Variants in RBFOX1 observed in about 807,000 individuals in gnomAD.
RBFOX1 encodes RNA binding protein fox-1 homolog 1.
RBFOX1 carries 8 observed loss-of-function variants against 57.7 expected under a neutral mutation model. The observed-to-expected ratio is 0.14, with a 90% CI of 0.08 to 0.25. The LOEUF is 0.25. Among genes scored for constraint, RBFOX1 ranks in the 10% least tolerant of loss-of-function variants. The pLI is 1.00. For missense variants in RBFOX1, 611 were observed against 548.5 expected, an observed-to-expected ratio of 1.11 and a Z score of -1.14; for synonymous variants, 326 against 222.4, an observed-to-expected ratio of 1.47 and a Z score of -4.15.
intron 1 of RBFOX1, among the ~76,000 whole-genome samples, chr16:6,217,393 T>A (rs1473266694): frequency 6.6e-6 from 1 of 152,174 alleles, no homozygotes; most frequent in Admixed American, 6.5e-5. Context: ...TCCTACAGTC[T>A]CAGTGATCTC....
intron 1 of RBFOX1, among the ~76,000 whole-genome samples, chr16:5,394,459 G>A (rs1186068744): frequency 1.3e-5 from 2 of 151,904 alleles, no homozygotes; most frequent in East Asian, 3.9e-4. Flanking sequence ...ATATCATCTG[G>A]CTCTTCGCTT....
At chr16:6,618,472 A>C (rs115476910) in intron 2 of RBFOX1, among the ~76,000 whole-genome samples, 1 of 152,322 alleles carries the variant, frequency 6.6e-6, no homozygotes, top group African/African-American at 2.4e-5. Flanking sequence ...TAATAGTAGC[A>C]CACACTTCCT....
chr16:7,463,821 A>T (rs1468037121), intron 4 of RBFOX1, among the ~76,000 whole-genome samples: 1 of 152,180 alleles, frequency 6.6e-6, no homozygotes, highest in Non-Finnish European at 1.5e-5. Context: ...TTTAAATGTC[A>T]CTCTATACCA....
At chr16:5,452,699 A>G (rs905530292) in intron 1 of RBFOX1, among the ~76,000 whole-genome samples, 6 of 151,496 alleles carry the variant, frequency 4.0e-5, no homozygotes, top group Non-Finnish European at 7.4e-5. Flanking sequence ...GCTGGAGTGC[A>G]ATGGCGTGGT....
At chr16:7,443,684 C>G (rs67247915) in intron 4 of RBFOX1, among the ~76,000 whole-genome samples, 50,750 of 152,086 alleles carry the variant, frequency 0.33, 9,922 homozygotes, top group Non-Finnish European at 0.45. Context: ...CTGTATATAT[C>G]TACTTTTCAC....
chr16:6,134,063 G>A lies in RBFOX1; in HGVS notation c.-127+114071G>A, dbSNP rs112716065. On this transcript the variant is annotated intron_variant, in intron 1 of 15. Coordinates refer to ENST00000550418, the MANE Select transcript of RBFOX1 (RefSeq NM_018723.4). The stretch of plus-strand genomic sequence containing the variant: ...GTGATTCTCCTGCCTCAGCCCCCCA[G>A]GTAACTGAGATTACAGATGTATGCC... Among the ~76,000 whole-genome samples, 1,367 of 151,600 alleles carry A rather than the reference G, an allele frequency of 9.0e-3. 25 individuals are homozygous for A. Among genetic ancestry groups the A allele is most frequent in the African/African-American group, 0.032 (1,311 of 41,326 alleles).
intron 2 of RBFOX1, among the ~76,000 whole-genome samples, chr16:6,320,149 A>G (rs1376031054): frequency 6.6e-6 from 1 of 152,196 alleles, no homozygotes; most frequent in East Asian, 1.9e-4. Flanking sequence ...AGAAAGAACT[A>G]AAAAGATGGT....
chr16:7,072,244 C>T (rs2057478675), intron 4 of RBFOX1, among the ~76,000 whole-genome samples: 1 of 152,196 alleles, frequency 6.6e-6, no homozygotes, highest in Non-Finnish European at 1.5e-5. Flanking sequence ...CTATTCACTC[C>T]TTAGGGCCAG....
chr16:6,782,402 C>T (rs189852652), intron 3 of RBFOX1, among the ~76,000 whole-genome samples: 15 of 152,142 alleles, frequency 9.9e-5, no homozygotes. Context: ...TTAATTCATC[C>T]AGTAGTTATT....
chr16:5,937,097 G>C (rs1390070849), intron 4 of RBFOX1, among the ~76,000 whole-genome samples: 3 of 152,160 alleles, frequency 2.0e-5, no homozygotes, highest in African/African-American at 4.8e-5. Flanking sequence ...CTAAAGTCTA[G>C]TGTGGATAAT....
chr16:7,172,183 G>T (rs544124549), intron 4 of RBFOX1, among the ~76,000 whole-genome samples: 1 of 152,092 alleles, frequency 6.6e-6, no homozygotes, highest in Non-Finnish European at 1.5e-5. Context: ...AAGTGCATTG[G>T]AATGAGCCAA....
At chr16:5,353,308 G>A (rs907681471) in intron 1 of RBFOX1, among the ~76,000 whole-genome samples, 3 of 151,536 alleles carry the variant, frequency 2.0e-5, no homozygotes, top group Non-Finnish European at 2.9e-5. Context: ...AGCCCGGGAG[G>A]CAGAGGTTGC....
intron 3 of RBFOX1, among the ~76,000 whole-genome samples, chr16:5,786,096 A>T (rs1018753864): frequency 6.6e-6 from 1 of 152,066 alleles, no homozygotes; most frequent in Non-Finnish European, 1.5e-5. Context: ...AACCCTTAAG[A>T]TGCTTTGCAA....
At chr16:7,576,459 C>T (rs1284993130) in intron 5 of RBFOX1, among the ~76,000 whole-genome samples, 3 of 152,184 alleles carry the variant, frequency 2.0e-5, no homozygotes, top group Non-Finnish European at 4.4e-5. Flanking sequence ...CCTTTCCATA[C>T]ACCCACAATG....
intron 2 of RBFOX1, among the ~76,000 whole-genome samples, chr16:5,483,173 G>A (rs1292626093): frequency 6.6e-6 from 1 of 152,180 alleles, no homozygotes; most frequent in Admixed American, 6.5e-5. Flanking sequence ...CTCATCCTCG[G>A]AGTCCAGAGT....
chr16:5,278,049 G>T (rs1369915114), intron 1 of RBFOX1, among the ~76,000 whole-genome samples: 1 of 152,212 alleles, frequency 6.6e-6, no homozygotes, highest in South Asian at 2.1e-4. Flanking sequence ...TCATATGGTA[G>T]ATCTGTTCTT....
intron 3 of RBFOX1, among the ~76,000 whole-genome samples, chr16:6,924,232 A>T (rs2075097388): frequency 6.6e-6 from 1 of 152,008 alleles, no homozygotes; most frequent in African/African-American, 2.4e-5. Context: ...TTTATAAAGA[A>T]AAGAGGTTTA....
chr16:5,690,103 G>A (rs2050627478), intron 3 of RBFOX1, among the ~76,000 whole-genome samples: 2 of 152,332 alleles, frequency 1.3e-5, no homozygotes, highest in South Asian at 4.1e-4. Flanking sequence ...AGAGGCCAGC[G>A]AGGTCATCCT....
At chr16:6,377,178 G>C (rs772540156) in intron 2 of RBFOX1, among the ~76,000 whole-genome samples, 1 of 150,580 alleles carries the variant, frequency 6.6e-6, no homozygotes, top group Non-Finnish European at 1.5e-5. Flanking sequence ...GGAGGCTGAG[G>C]TTAGAGGATC....
Sources: allele counts gnomAD v4.1 joint callset (sites outside exome capture counted in the v4.1 genomes callset), GRCh38; gene constraint gnomAD v4.1.1; transcripts MANE v1.5; gene names NCBI Gene and HGNC (gene_info 2026-07-23, HGNC 2026-07-21).